The following RAD51B variants were observed in gnomAD, a reference collection of about 807,000 sequenced individuals.
RAD51B encodes RAD51 paralog B.
In RAD51B, 38 loss-of-function variants were observed where a neutral mutation model predicts 42.2. That is an observed-to-expected ratio of 0.90 (90% CI 0.70 to 1.18). The LOEUF (loss-of-function observed/expected upper bound fraction) is 1.18, where lower values mean the gene tolerates loss of function less well. RAD51B is among the 50% of genes most tolerant of loss of function. The pLI is 0.00. For missense variants in RAD51B, 373 were observed against 400.7 expected, an observed-to-expected ratio of 0.93 and a Z score of 0.59; for synonymous variants, 154 against 145.2, an observed-to-expected ratio of 1.06 and a Z score of -0.43.
chr14:67,942,022 T>C (rs543777214), intron 7 of RAD51B, among the ~76,000 whole-genome samples: 1 of 152,356 alleles, frequency 6.6e-6, no homozygotes, highest in African/African-American at 2.4e-5. Context: ...GTAAGGACTG[T>C]TTGCTTTTCT....
chr14:68,567,305 G>GAA (rs34510428), intron 10 of RAD51B, among the ~76,000 whole-genome samples: 13 of 148,448 alleles, frequency 8.8e-5, no homozygotes, highest in South Asian at 2.1e-4. Flanking sequence ...GTCTCAGAAA[G>GAA]AAAAAAAAAA....
chr14:67,937,462 C>T (rs551588139), intron 7 of RAD51B, among the ~76,000 whole-genome samples: 3 of 152,318 alleles, frequency 2.0e-5, no homozygotes, highest in African/African-American at 7.2e-5. Context: ...TGTCAAATCA[C>T]CACCAGAGAA....
chr14:68,527,967 G>A (rs1014363712), intron 10 of RAD51B, among the ~76,000 whole-genome samples: 5 of 152,150 alleles, frequency 3.3e-5, no homozygotes, highest in African/African-American at 9.7e-5. Flanking sequence ...TTTAGTAAAT[G>A]TGTATTTTTT....
chr14:68,020,947 A>G (rs927961722), intron 7 of RAD51B, among the ~76,000 whole-genome samples: 1 of 152,126 alleles, frequency 6.6e-6, no homozygotes, highest in African/African-American at 2.4e-5. Context: ...TTTATTGACA[A>G]GAGTGTTGAA....
At chr14:68,162,393 T>G (rs1020005561) in intron 7 of RAD51B, among the ~76,000 whole-genome samples, 2 of 152,208 alleles carry the variant, frequency 1.3e-5, no homozygotes, top group Non-Finnish European at 1.5e-5. Flanking sequence ...TATTTTAAAT[T>G]GAATACTGAA....
chr14:68,531,160 A>C (rs569508550), intron 10 of RAD51B, among the ~76,000 whole-genome samples: 1 of 147,288 alleles, frequency 6.8e-6, no homozygotes, highest in South Asian at 2.1e-4. Flanking sequence ...CAGGAAAGAC[A>C]AAAAAAAAAT....
chr14:68,094,485 G>A (rs1315815931), intron 7 of RAD51B, among the ~76,000 whole-genome samples: 1 of 152,168 alleles, frequency 6.6e-6, no homozygotes, highest in African/African-American at 2.4e-5. Flanking sequence ...TGCCATTTAT[G>A]AAAATTTAAA....
At chr14:68,024,691 TA>T (rs1404837735) in intron 7 of RAD51B, among the ~76,000 whole-genome samples, 1 of 152,180 alleles carries the variant, frequency 6.6e-6, no homozygotes, top group East Asian at 1.9e-4. Context: ...TGATTTTTTT[TA>T]AAATCCTGAA....
At chr14:68,097,165 A>C (rs2077210098) in intron 7 of RAD51B, among the ~76,000 whole-genome samples, 1 of 152,302 alleles carries the variant, frequency 6.6e-6, no homozygotes, top group Middle Eastern at 3.4e-3. Flanking sequence ...CAATATAAAA[A>C]GCTATTTTTT....
intron 7 of RAD51B, among the ~76,000 whole-genome samples, chr14:68,062,095 T>G (rs535177390): frequency 5.9e-5 from 9 of 152,182 alleles, no homozygotes; most frequent in African/African-American, 2.2e-4. Context: ...TCATTGACAG[T>G]TTTTACTATA....
At chr14:68,251,706 G>T (rs969374681) in intron 7 of RAD51B, among the ~76,000 whole-genome samples, 4 of 152,098 alleles carry the variant, frequency 2.6e-5, no homozygotes, top group African/African-American at 9.7e-5. Context: ...TTTCTCTACT[G>T]AACTTTTTCC....
intron 7 of RAD51B, among the ~76,000 whole-genome samples, chr14:68,120,956 G>A (rs998051567): frequency 2.0e-5 from 3 of 152,116 alleles, no homozygotes; most frequent in Admixed American, 6.5e-5. Context: ...TATATTTTAG[G>A]TGTGATGTAC....
intron 7 of RAD51B, among the ~76,000 whole-genome samples, chr14:67,931,025 A>G (rs1030833935): frequency 6.6e-5 from 10 of 151,206 alleles, no homozygotes; most frequent in African/African-American, 2.2e-4. Context: ...CATTCATGCC[A>G]TTCTCCTGCC....
intron 10 of RAD51B, among the ~76,000 whole-genome samples, chr14:68,580,927 G>A (rs910831413): frequency 1.3e-5 from 2 of 152,310 alleles, no homozygotes; most frequent in Non-Finnish European, 1.5e-5. Flanking sequence ...GGAGAAGGGC[G>A]GCTGGGGCTC....
intron 9 of RAD51B, among the ~76,000 whole-genome samples, chr14:68,454,874 G>T (rs576316501): frequency 6.6e-6 from 1 of 152,256 alleles, no homozygotes; most frequent in East Asian, 1.9e-4. Context: ...AGCTACAGTG[G>T]GTTTTATAAA....
chr14:68,385,299 T>G (rs1246439462), intron 8 of RAD51B, among the ~76,000 whole-genome samples: 1 of 152,170 alleles, frequency 6.6e-6, no homozygotes, highest in Non-Finnish European at 1.5e-5. Context: ...ATTGAAGCCT[T>G]TGGACTTCGC....
At chr14:67,868,459 C>G (rs1399835171) in intron 5 of RAD51B, among the ~76,000 whole-genome samples, 1 of 152,240 alleles carries the variant, frequency 6.6e-6, no homozygotes, top group East Asian at 1.9e-4. Flanking sequence ...TCACTGATTG[C>G]TAGCACAGCA....
At chr14:68,350,971 G>C (rs2082773841) in intron 8 of RAD51B, among the ~76,000 whole-genome samples, 2 of 152,200 alleles carry the variant, frequency 1.3e-5, no homozygotes, top group Non-Finnish European at 2.9e-5. Context: ...AGCTGGGAAA[G>C]GAATCCTTTC....
At chr14:68,624,293 G>A (rs1182652654) in intron 10 of RAD51B, among the ~76,000 whole-genome samples, 1 of 152,134 alleles carries the variant, frequency 6.6e-6, no homozygotes, top group Non-Finnish European at 1.5e-5. Context: ...CATACTTAGG[G>A]GCAAGGGCAG....
Sources: allele counts gnomAD v4.1 joint callset (sites outside exome capture counted in the v4.1 genomes callset), GRCh38; gene constraint gnomAD v4.1.1; transcripts MANE v1.5; gene names NCBI Gene and HGNC (gene_info 2026-07-23, HGNC 2026-07-21).